SERPINE2: variants seen among roughly 807,000 people sequenced by gnomAD.
SERPINE2 encodes serpin family E member 2, also known as glia-derived nexin.
Under a neutral mutation model 36.3 loss-of-function variants are expected in SERPINE2, and 14 were observed. The ratio of observed to expected loss-of-function variants is 0.39; its 90% CI spans 0.25 to 0.60. SERPINE2 has a LOEUF of 0.60. Among genes scored for constraint, SERPINE2 ranks in the 20% least tolerant of loss-of-function variants. The pLI is 0.57. For synonymous variants in SERPINE2, 192 were observed against 191.8 expected, an observed-to-expected ratio of 1.00 and a Z score of -0.01; for missense variants, 418 against 499.6, an observed-to-expected ratio of 0.84 and a Z score of 1.56.
intron 5 of SERPINE2, among the ~76,000 whole-genome samples, chr2:223,984,513 T>G (rs1451061123): frequency 6.6e-6 from 1 of 152,214 alleles, no homozygotes; most frequent in Non-Finnish European, 1.5e-5. Context: ...TGTGGAGGTT[T>G]AGAGACCAAG....
intron 1 of SERPINE2, chr2:224,031,414 A>G (rs1257001438): frequency 1.2e-5 from 12 of 985,430 alleles, no homozygotes; most frequent in Non-Finnish European, 1.4e-5. Flanking sequence ...AAACAGAAAG[A>G]AAGGCAGCTG....
At chr2:224,017,911 G>A (rs1231813984) in intron 1 of SERPINE2, among the ~76,000 whole-genome samples, 3 of 152,210 alleles carry the variant, frequency 2.0e-5, no homozygotes, top group Non-Finnish European at 4.4e-5. Flanking sequence ...AGGGCAAAAT[G>A]TTCAAATATT....
At chr2:224,012,806 T>C (rs1241929847) in intron 1 of SERPINE2, among the ~76,000 whole-genome samples, 1 of 152,190 alleles carries the variant, frequency 6.6e-6, no homozygotes, top group African/African-American at 2.4e-5. Flanking sequence ...GACTCTGGAA[T>C]AGCTGAAATG....
At chr2:224,037,036 T>C (rs1364792835) in intron 1 of SERPINE2, among the ~76,000 whole-genome samples, 1 of 152,226 alleles carries the variant, frequency 6.6e-6, no homozygotes, top group Non-Finnish European at 1.5e-5. Context: ...CCTTATTCAT[T>C]TATCATACAT....
chr2:224,001,014 A>G (rs1356857570), intron 2 of SERPINE2, among the ~76,000 whole-genome samples: 1 of 152,194 alleles, frequency 6.6e-6, no homozygotes, highest in African/African-American at 2.4e-5. Context: ...GTGGCAAAAC[A>G]ATATGCAAGG....
At chr2:224,017,291 G>C (rs1476468543) in intron 1 of SERPINE2, among the ~76,000 whole-genome samples, 2 of 151,628 alleles carry the variant, frequency 1.3e-5, no homozygotes, top group Non-Finnish European at 2.9e-5. Flanking sequence ...GACTGCATGT[G>C]AATCTATATA....
At chr2:224,014,335 A>C (rs1304312079) in intron 1 of SERPINE2, among the ~76,000 whole-genome samples, 1 of 152,134 alleles carries the variant, frequency 6.6e-6, no homozygotes, top group Non-Finnish European at 1.5e-5. Flanking sequence ...AGATCATGCC[A>C]CTGCACTCCA....
chr2:224,004,714 A>T (rs1198715770), intron 1 of SERPINE2, among the ~76,000 whole-genome samples: 2 of 152,024 alleles, frequency 1.3e-5, no homozygotes, highest in African/African-American at 4.8e-5. Flanking sequence ...AATATAGCAC[A>T]AAGTCATCAT....
intron 4 of SERPINE2, among the ~76,000 whole-genome samples, chr2:223,991,508 T>C (rs919747415): frequency 1.3e-5 from 2 of 152,248 alleles, no homozygotes; most frequent in Admixed American, 6.5e-5. Flanking sequence ...ATTTCATGAA[T>C]TGTCCTTTCA....
chr2:224,028,528 A>G (rs1287262759), intron 1 of SERPINE2, among the ~76,000 whole-genome samples: 1 of 152,182 alleles, frequency 6.6e-6, no homozygotes, highest in Non-Finnish European at 1.5e-5. Context: ...ATTCCTGAAG[A>G]TAGCGTTTCA....
At chr2:223,990,971 C>T (rs541403255) in intron 4 of SERPINE2, among the ~76,000 whole-genome samples, 9 of 152,116 alleles carry the variant, frequency 5.9e-5, no homozygotes, top group Non-Finnish European at 1.3e-4. Context: ...CAGTGAGACT[C>T]TATCTCGAAA....
intron 1 of SERPINE2, among the ~76,000 whole-genome samples, chr2:224,009,458 G>C (rs1262902475): frequency 6.6e-6 from 1 of 152,180 alleles, no homozygotes; most frequent in African/African-American, 2.4e-5. Flanking sequence ...ACTTTGGAAG[G>C]CCGAGGTGGG....
chr2:224,001,994 C>T (rs1165256929), intron 1 of SERPINE2, 72 bp from the exon 2 acceptor site: 303 of 1,274,778 alleles, frequency 2.4e-4, no homozygotes, highest in Non-Finnish European at 2.9e-4. Flanking sequence ...TTTTTTTCCC[C>T]CAGATAGAGA....
chr2:223,998,024 T>C (rs1156670781), intron 3 of SERPINE2, 91 bp downstream of exon 3: 11 of 1,010,468 alleles, frequency 1.1e-5, no homozygotes, highest in African/African-American at 3.2e-5. Flanking sequence ...GGCCATTGAA[T>C]TGGACTTGCA....
intron 1 of SERPINE2, chr2:224,010,477 G>T: frequency 1.7e-6 from 1 of 579,950 alleles, no homozygotes; most frequent in Non-Finnish European, 2.2e-6. Context: ...AATCTCTTTG[G>T]GTTGATGGGA....
At chr2:224,031,597 C>A (rs1482018190) in intron 1 of SERPINE2, 2 of 652,770 alleles carry the variant, frequency 3.1e-6, no homozygotes, top group Non-Finnish European at 1.9e-6. Context: ...GGACCTCACT[C>A]CTCTGCCCAC....
At chr2:224,038,001 A>G (rs899906491) in intron 1 of SERPINE2, among the ~76,000 whole-genome samples, 2 of 152,198 alleles carry the variant, frequency 1.3e-5, no homozygotes, top group African/African-American at 2.4e-5. Context: ...CAAATAGCAA[A>G]TAAGTACTGA....
intron 1 of SERPINE2, among the ~76,000 whole-genome samples, chr2:224,008,367 G>GT (rs1559211037): frequency 1.3e-5 from 2 of 152,080 alleles, no homozygotes; most frequent in Non-Finnish European, 2.9e-5. Context: ...TTGCCCTGAG[G>GT]TTTATTTTGT....
chr2:224,007,802 T>C (rs961782147), intron 1 of SERPINE2, among the ~76,000 whole-genome samples: 3 of 152,214 alleles, frequency 2.0e-5, no homozygotes, highest in Non-Finnish European at 4.4e-5. Context: ...AACAGGTTAT[T>C]TGCCCTGTAG....
Sources: gnomAD v4.1 joint callset for allele counts (sites outside exome capture counted in the v4.1 genomes callset) on GRCh38, gnomAD v4.1.1 for gene constraint, MANE v1.5 for transcripts, NCBI Gene and HGNC (gene_info 2026-07-23, HGNC 2026-07-21) for gene names.